The following LRRTM4 variants were observed in gnomAD, a reference collection of about 807,000 sequenced individuals.
LRRTM4 encodes leucine rich repeat transmembrane neuronal 4.
LRRTM4 carries 25 observed loss-of-function variants against 47.6 expected under a neutral mutation model. That is an observed-to-expected ratio of 0.53 (90% CI 0.38 to 0.73). The LOEUF is 0.73. Among genes scored for constraint, LRRTM4 ranks in the 30% least tolerant of loss-of-function variants. LRRTM4 has a pLI of 0.00. For synonymous variants in LRRTM4, 311 were observed against 269.5 expected, an observed-to-expected ratio of 1.15 and a Z score of -1.51; for missense variants, 638 against 713.4, an observed-to-expected ratio of 0.89 and a Z score of 1.20.
chr2:76,842,607 T>A (rs1202997048), intron 3 of LRRTM4, among the ~76,000 whole-genome samples: 1 of 152,220 alleles, frequency 6.6e-6, no homozygotes, highest in Non-Finnish European at 1.5e-5. Flanking sequence ...GATAAAGTGT[T>A]GACTCACTCA....
intron 3 of LRRTM4, among the ~76,000 whole-genome samples, chr2:76,968,522 GA>G (rs1441251636): frequency 2.7e-5 from 4 of 150,210 alleles, no homozygotes; most frequent in Non-Finnish European, 4.5e-5. Context: ...TATGTATATT[GA>G]AAAAAATATC....
At position 76,807,260 on chromosome 2, in the gene LRRTM4, G is replaced by A. The variant is rs140458175; in HGVS notation, c.1552-58344C>T. 9.2e-3 allele frequency among the ~76,000 whole-genome samples: 1,395 copies of A among 151,632 alleles called. 6 individuals carry two copies. Among genetic ancestry groups the A allele is most frequent in the Non-Finnish European group, 0.014 (972 of 67,908 alleles). ...GACAAATTTTCAACTGCAAGGACAA[G>A]TTAAGTGAATTGTGGTATGCCCTCA... On this transcript the variant is annotated intron_variant, in intron 3 of 3. Coordinates refer to ENST00000409884, the MANE Select transcript of LRRTM4 (RefSeq NM_001134745.3).
At chr2:77,139,544 A>C (rs1466708389) in intron 3 of LRRTM4, among the ~76,000 whole-genome samples, 5 of 152,184 alleles carry the variant, frequency 3.3e-5, no homozygotes, top group African/African-American at 1.2e-4. Flanking sequence ...AAAAACTGGA[A>C]GCATTTCCAT....
In LRRTM4 at chr2:76,995,534, A is replaced by C. The variant is rs1178783834; in HGVS notation, c.1552-246618T>G. Among the ~76,000 whole-genome samples, 6 of 152,080 alleles carry C rather than the reference A, an allele frequency of 3.9e-5. No homozygotes were observed. The East Asian group carries it at 1.2e-3, about 29-fold the overall frequency. On this transcript the variant is annotated intron_variant, in intron 3 of 3. Coordinates refer to ENST00000409884, the MANE Select transcript of LRRTM4 (RefSeq NM_001134745.3). ...TTCTAGATCAAATTCTGGGGGAGGCAAACGGGGGACTGGCTCTATCAAAGT... is the reference window on the plus strand; with the variant it reads ...TTCTAGATCAAATTCTGGGGGAGGCCAACGGGGGACTGGCTCTATCAAAGT...
At chr2:76,913,522 A>G (rs1674142037) in intron 3 of LRRTM4, among the ~76,000 whole-genome samples, 2 of 144,410 alleles carry the variant, frequency 1.4e-5, no homozygotes, top group South Asian at 4.4e-4. Flanking sequence ...CTACTTCCAA[A>G]TATTTAGAGA....
intron 3 of LRRTM4, among the ~76,000 whole-genome samples, chr2:76,993,314 T>C (rs1677079549): frequency 6.6e-6 from 1 of 151,578 alleles, no homozygotes; most frequent in African/African-American, 2.4e-5. Flanking sequence ...AAAAAAGCTA[T>C]CAGTAAACAA....
At chr2:76,857,052 C>T (rs1255381024) in intron 3 of LRRTM4, among the ~76,000 whole-genome samples, 1 of 151,696 alleles carries the variant, frequency 6.6e-6, no homozygotes, top group Non-Finnish European at 1.5e-5. Context: ...TTCAAAAGTA[C>T]AGTTGACCCT....
chr2:76,969,930 T>C (rs1456821810), intron 3 of LRRTM4, among the ~76,000 whole-genome samples: 1 of 152,002 alleles, frequency 6.6e-6, no homozygotes, highest in Non-Finnish European at 1.5e-5. Flanking sequence ...GGTCTGTGTC[T>C]TCTTCAGAAT....
intron 3 of LRRTM4, among the ~76,000 whole-genome samples, chr2:76,759,128 A>G (rs1413739497): frequency 6.6e-6 from 1 of 152,188 alleles, no homozygotes; most frequent in Non-Finnish European, 1.5e-5. Context: ...AGCTGGGTAT[A>G]TAAAGAAGAA....
chr2:77,427,278 A>G (rs1675160226), intron 3 of LRRTM4, among the ~76,000 whole-genome samples: 1 of 152,118 alleles, frequency 6.6e-6, no homozygotes, highest in Non-Finnish European at 1.5e-5. Context: ...CACCCGGCCT[A>G]GCTTTATTCT....
Position 76,807,947 on chromosome 2 carries a change from TTC to T in LRRTM4, c.1552-59033_1552-59032del, listed in dbSNP as rs745628608. ...TCTTTCCTTTCCTTTCTTTCTTTCT[TTC>T]TTTCTTTTTCTTTTTCTTTCCTTCC... On this transcript the variant is annotated intron_variant, in intron 3 of 3. Transcript: ENST00000409884. Among the ~76,000 whole-genome samples, 917 of 125,884 alleles carry T rather than the reference TTC, an allele frequency of 7.3e-3. 8 individuals carry two copies. Among genetic ancestry groups the T allele is most frequent in the African/African-American group, 0.024 (703 of 29,752 alleles). 82.6% of individuals were successfully genotyped at this position (125,884 alleles called of 152,430 possible). A position where few individuals can be genotyped will look rare whatever the true frequency, so the allele number is the denominator to read the frequency against.
At chr2:77,510,706 T>G (rs1678951035) in intron 3 of LRRTM4, among the ~76,000 whole-genome samples, 1 of 151,992 alleles carries the variant, frequency 6.6e-6, no homozygotes, top group Non-Finnish European at 1.5e-5. Flanking sequence ...CTTAAAAATA[T>G]AGTGAATTCT....
At chr2:77,294,262 T>C (rs1261146516) in intron 3 of LRRTM4, among the ~76,000 whole-genome samples, 1 of 150,572 alleles carries the variant, frequency 6.6e-6, no homozygotes, top group Non-Finnish European at 1.5e-5. Flanking sequence ...TTTTGGAAAA[T>C]CAGGAGGAAA....
chr2:77,124,907 A>C (rs1181006725), intron 3 of LRRTM4, among the ~76,000 whole-genome samples: 1 of 152,142 alleles, frequency 6.6e-6, no homozygotes, highest in African/African-American at 2.4e-5. Context: ...TGTCTTCAGG[A>C]AACAGGAATA....
intron 3 of LRRTM4, among the ~76,000 whole-genome samples, chr2:76,783,385 TATACATAACATAAA>T (rs1674500424): frequency 6.6e-6 from 1 of 152,144 alleles, no homozygotes; most frequent in African/African-American, 2.4e-5. Context: ...AATGGTAAAA[TATACATAACATAAA>T]ATGTACCATT....
At chr2:76,876,046 G>T (rs1672769601) in intron 3 of LRRTM4, among the ~76,000 whole-genome samples, 1 of 152,058 alleles carries the variant, frequency 6.6e-6, no homozygotes, top group African/African-American at 2.4e-5. Context: ...GGTTTCTCTA[G>T]TTGTCTCCAA....
chr2:77,133,517 A>C (rs1365190302), intron 3 of LRRTM4, among the ~76,000 whole-genome samples: 2 of 152,216 alleles, frequency 1.3e-5, no homozygotes, highest in African/African-American at 4.8e-5. Context: ...AGGTGGATTA[A>C]TTTTTAATAA....
At chr2:77,405,944 T>C (rs1674163160) in intron 3 of LRRTM4, among the ~76,000 whole-genome samples, 3 of 152,292 alleles carry the variant, frequency 2.0e-5, no homozygotes, top group African/African-American at 7.2e-5. Flanking sequence ...ATGAGCTTCT[T>C]AGGAACAGAA....
intron 3 of LRRTM4, among the ~76,000 whole-genome samples, chr2:77,065,994 A>G (rs1679937693): frequency 1.3e-5 from 2 of 152,210 alleles, no homozygotes; most frequent in Non-Finnish European, 2.9e-5. Context: ...AGATCTATAC[A>G]GTATGGAATC....
Sources: gnomAD v4.1 joint callset for allele counts (sites outside exome capture counted in the v4.1 genomes callset) on GRCh38, gnomAD v4.1.1 for gene constraint, MANE v1.5 for transcripts, NCBI Gene and HGNC (gene_info 2026-07-23, HGNC 2026-07-21) for gene names.